The following PCGF5 variants were observed in gnomAD, a reference collection of about 807,000 sequenced individuals.
The protein encoded by PCGF5 is polycomb group RING finger protein 5.
PCGF5 carries 9 observed loss-of-function variants against 44.3 expected under a neutral mutation model. The observed-to-expected ratio is 0.20, with a 90% confidence interval of 0.12 to 0.35. The LOEUF (loss-of-function observed/expected upper bound fraction) is 0.35, where lower values mean the gene tolerates loss of function less well. PCGF5 is among the 10% of genes least tolerant of loss of function. The pLI is 1.00. For missense variants in PCGF5, 146 were observed against 305.3 expected (o/e 0.48, Z 3.89); for synonymous variants, 95 against 102.5 (o/e 0.93, Z 0.44).
At chr10:91,179,332 T>A (rs887851066) in intron 1 of PCGF5, among the ~76,000 whole-genome samples, 5 of 152,006 alleles carry the variant, frequency 3.3e-5, no homozygotes, top group African/African-American at 9.7e-5. Context: ...GTTTCTTTTT[T>A]AAAAAAAAAT....
chr10:91,200,607 A>G (rs146008354), intron 1 of PCGF5, among the ~76,000 whole-genome samples: 119 of 152,242 alleles, frequency 7.8e-4, no homozygotes, highest in Middle Eastern at 3.4e-3. Context: ...TTTGTTTTTA[A>G]GATATTGAGT....
At chr10:91,202,626 A>G (rs144518362) in intron 1 of PCGF5, among the ~76,000 whole-genome samples, 1 of 152,314 alleles carries the variant, frequency 6.6e-6, no homozygotes, top group East Asian at 1.9e-4. Context: ...AGTTGTTACT[A>G]TATTTGACTC....
chr10:91,208,463 T>A (rs1262928394), intron 1 of PCGF5, among the ~76,000 whole-genome samples: 7 of 152,188 alleles, frequency 4.6e-5, no homozygotes, highest in African/African-American at 1.7e-4. Context: ...AGGGCCCAGA[T>A]TCTGCATTCC....
At chr10:91,269,640 C>T (rs1219516362) in intron 8 of PCGF5, among the ~76,000 whole-genome samples, 1 of 152,052 alleles carries the variant, frequency 6.6e-6, no homozygotes, top group African/African-American at 2.4e-5. Context: ...GCAGAGTATG[C>T]ATGTTTTAAA....
At chr10:91,260,053 T>C (rs987566919) in intron 6 of PCGF5, among the ~76,000 whole-genome samples, 8 of 142,844 alleles carry the variant, frequency 5.6e-5, no homozygotes, top group African/African-American at 1.7e-4. Flanking sequence ...AGAAAATTTT[T>C]GCAACCTACT....
rs180835535 is a variant in PCGF5 at position 91,177,536 on chromosome 10, A to C, written c.-184+14455A>C. Among the ~76,000 whole-genome samples the C allele has an allele frequency of 6.5e-3, 989 of 152,250 alleles. 10 individuals are homozygous for C. The highest frequency in any genetic ancestry group is 0.023 in the African/African-American group (949 of 41,546). Reference sequence around the variant, plus strand: ...CTACAGAGGCAGACAGGCCTCCTTGAGCTGCGGTGGGCTCCACCCAGTTCG... The same window carrying C: ...CTACAGAGGCAGACAGGCCTCCTTGCGCTGCGGTGGGCTCCACCCAGTTCG... On this transcript the variant is annotated intron_variant, in intron 1 of 9. Coordinates refer to the PCGF5 transcript ENST00000614189.
At chr10:91,260,836 C>A (rs1845888199) in intron 6 of PCGF5, among the ~76,000 whole-genome samples, 1 of 150,474 alleles carries the variant, frequency 6.6e-6, no homozygotes, top group Non-Finnish European at 1.5e-5. Flanking sequence ...GGAGGGATAG[C>A]AGTAGGAGAT....
chr10:91,207,701 TTTTC>T lies in PCGF5; in HGVS notation c.-183-14984_-183-14981del, dbSNP rs770774985. Among the ~76,000 whole-genome samples, 23 of 152,222 alleles carry T rather than the reference TTTTC, an allele frequency of 1.5e-4. 1 individual carries two copies. Among genetic ancestry groups the T allele is most frequent in the Non-Finnish European group, 3.1e-4 (21 of 68,032 alleles). On this transcript the variant is annotated intron_variant, in intron 1 of 9. Coordinates refer to the PCGF5 transcript ENST00000614189. ...TCAAATTTCTTTAATCTTTCTCAATTTTTCTTTGTCTTTCATGACATTAATATTT... is the reference window on the plus strand; with the variant it reads ...TCAAATTTCTTTAATCTTTCTCAATTTTTGTCTTTCATGACATTAATATTT...
In PCGF5 at chr10:91,180,354, A is replaced by T. The variant is rs147158306; in HGVS notation, c.-184+17273A>T. On this transcript the variant is annotated intron_variant, in intron 1 of 9. Transcript: ENST00000614189. ...TACAGAAGCTCTTTAGTTTAATTAGATCCCACTTGTCAACTTTTGCTTTTG... is the reference window on the plus strand; with the variant it reads ...TACAGAAGCTCTTTAGTTTAATTAGTTCCCACTTGTCAACTTTTGCTTTTG... 5.3e-3 allele frequency among the ~76,000 whole-genome samples: 810 copies of T among 152,212 alleles called. 11 individuals are homozygous for T. The highest frequency in any genetic ancestry group is 0.018 in the African/African-American group (752 of 41,532).
chr10:91,198,735 A>C (rs1177112218), intron 1 of PCGF5, among the ~76,000 whole-genome samples: 3 of 152,186 alleles, frequency 2.0e-5, no homozygotes, highest in Non-Finnish European at 2.9e-5. Flanking sequence ...AATTAGCAGC[A>C]ATTGCCAGGA....
chr10:91,254,788 G>A (rs1303451564), intron 6 of PCGF5, among the ~76,000 whole-genome samples: 1 of 152,076 alleles, frequency 6.6e-6, no homozygotes, highest in African/African-American at 2.4e-5. Context: ...TTCCATGAAA[G>A]TATAAAAATA....
At chr10:91,267,022 T>C (rs1361650106) in intron 8 of PCGF5, among the ~76,000 whole-genome samples, 1 of 152,148 alleles carries the variant, frequency 6.6e-6, no homozygotes, top group African/African-American at 2.4e-5. Flanking sequence ...CAATAATGTT[T>C]AATTTAGGTA....
intron 2 of PCGF5, among the ~76,000 whole-genome samples, chr10:91,231,464 C>T (rs1156469186): frequency 4.6e-5 from 7 of 152,036 alleles, no homozygotes; most frequent in African/African-American, 1.4e-4. Context: ...AAGGAGTTAG[C>T]CAGATATCTG....
upstream of PCGF5, chr10:91,220,415 TG>T (rs1403902500): frequency 6.6e-6 from 1 of 152,082 alleles, no homozygotes; most frequent in African/African-American, 2.4e-5. Context: ...ACCGAAGGGG[TG>T]GACGGTGAGG....
chr10:91,205,915 G>A (rs1020902169), intron 1 of PCGF5, among the ~76,000 whole-genome samples: 18 of 151,990 alleles, frequency 1.2e-4, no homozygotes, highest in African/African-American at 4.1e-4. Context: ...GCTTGAACAC[G>A]GGAGGCTGAG....
chr10:91,179,155 C>T (rs986301940), intron 1 of PCGF5, among the ~76,000 whole-genome samples: 3 of 151,906 alleles, frequency 2.0e-5, no homozygotes, highest in Non-Finnish European at 2.9e-5. Flanking sequence ...CCCATCCTGT[C>T]CTCTCTCATT....
At chr10:91,217,920 G>T (rs1417420435), upstream of PCGF5, among the ~76,000 whole-genome samples, 1 of 152,120 alleles carries the variant, frequency 6.6e-6, no homozygotes, top group Non-Finnish European at 1.5e-5. Flanking sequence ...CCTAGTAGCT[G>T]GGATTACAGG....
chr10:91,264,330 T>C, intron 7 of PCGF5, 101 bp from the exon 8 acceptor site: 2 of 881,418 alleles, frequency 2.3e-6, no homozygotes, highest in South Asian at 1.8e-5. Context: ...GATAATACTT[T>C]TGTTCCAACT....
rs1293389616 is a variant in PCGF5, at chr10:91,278,592, A to G, written c.*276A>G. 4 of 398,220 alleles carry G rather than the reference A, an allele frequency of 1.0e-5. No individual in the cohort carries two copies. The highest frequency in any genetic ancestry group is 1.8e-5 in the Non-Finnish European group (4 of 221,870). The allele number at this position is 398,220 out of a possible 1,614,324, so 24.7% of individuals were successfully genotyped here. A position where few individuals can be genotyped will look rare whatever the true frequency, so the allele number is the denominator to read the frequency against. On this transcript the variant is annotated 3_prime_UTR_variant, in exon 10 of 10. Coordinates refer to ENST00000336126, the MANE Select transcript of PCGF5 (RefSeq NM_032373.5). The stretch of plus-strand genomic sequence containing the variant: ...AAAATCAGTTAGCTGTGCCGCCATG[A>G]TTCACCCTTCTGAATATTTTGCTTG...
Sources: allele counts gnomAD v4.1 joint callset (sites outside exome capture counted in the v4.1 genomes callset), GRCh38; gene constraint gnomAD v4.1.1; transcripts MANE v1.5; gene names NCBI Gene and HGNC (gene_info 2026-07-23, HGNC 2026-07-21).